The following CCL5 variants were observed in gnomAD, a reference collection of about 807,000 sequenced individuals.
CCL5 encodes C-C motif chemokine 5.
Under a neutral mutation model 9.0 loss-of-function variants are expected in CCL5, and 5 were observed. That is an observed-to-expected ratio of 0.55 (90% CI 0.29 to 1.16). The LOEUF (loss-of-function observed/expected upper bound fraction) is 1.16, where lower values mean the gene tolerates loss of function less well. CCL5 is among the 50% of genes most tolerant of loss of function. The pLI, the probability that CCL5 is intolerant of heterozygous loss-of-function variation, is 0.08. For synonymous variants in CCL5, 66 were observed against 72.0 expected (o/e 0.92, Z 0.42); for missense variants, 183 against 183.2 (o/e 1.00, Z 0.01).
chr17:35,872,604 T>C (rs1354995866), intron 3 of CCL5, 140 bp from the exon 3 acceptor site: 1 of 688,168 alleles, frequency 1.5e-6, no homozygotes, highest in Non-Finnish European at 2.6e-6. Flanking sequence ...CATAAGATTT[T>C]ATTTGTGGCT....
chr17:35,874,769 C>A (rs1015698033), intron 3 of CCL5, among the ~76,000 whole-genome samples: 1 of 152,084 alleles, frequency 6.6e-6, no homozygotes, highest in Admixed American at 6.6e-5. Flanking sequence ...CGCCACCACG[C>A]CCAGCTAATG....
chr17:35,879,838 C>A (rs2144036848), intron 1 of CCL5, among the ~76,000 whole-genome samples: 1 of 152,078 alleles, frequency 6.6e-6, no homozygotes, highest in Non-Finnish European at 1.5e-5. Context: ...GTCTCAGGGT[C>A]TCAGGAAGTT....
rs777737112 is a variant in CCL5 at position 35,880,281 on chromosome 17, C to T, written c.25G>A (p.Ala9Thr). The T allele has an allele frequency of 5.0e-6, 8 of 1,613,230 alleles. No individual in the cohort carries two copies. The highest frequency in any genetic ancestry group is 3.3e-5 in the South Asian group (3 of 90,824). The change falls in exon 1 of 4, where the codon GCT (alanine) becomes ACT (threonine). Residue 9 changes from alanine to threonine, a missense_variant. Coordinates refer to ENST00000651122, the MANE Select transcript of CCL5 (RefSeq NM_001278736.2). ...AGGGCAGTAGCAATGAGGATGACAG[C>T]GAGGGCTGCCGCGGAGACCTTCATG...
Position 35,878,543 on chromosome 17 carries a change from G to C in CCL5, c.173C>G (p.Ser58Cys). ...TGAGACTCACACGACTGCTGGGTTG[G>C]AGCACTTGCCACTGGTGTAGAAATA... The change falls in exon 2 of 4, where the codon TCC (serine) becomes TGC (cysteine). Residue 58 changes from serine to cysteine, a missense_variant. Physicochemically the swap from Ser to Cys is moderately radical, Grantham distance 112. Coordinates refer to ENST00000651122, the MANE Select transcript of CCL5 (RefSeq NM_001278736.2). 2 of 1,613,440 alleles carry C rather than the reference G, an allele frequency of 1.2e-6. No homozygotes were observed. Among genetic ancestry groups the C allele is most frequent in the Non-Finnish European group, 1.7e-6 (2 of 1,179,502 alleles).
chr17:35,879,697 ACCATTTAATTAG>A (rs1331052582), intron 1 of CCL5, among the ~76,000 whole-genome samples: 1 of 151,754 alleles, frequency 6.6e-6, no homozygotes, highest in Non-Finnish European at 1.5e-5. Flanking sequence ...ATCCATAGTA[ACCATTTAATTAG>A]CTTTTATTAT....
At chr17:35,878,711 T>G (rs1275882152) in intron 1 of CCL5, 72 bp from the exon 2 acceptor site, 1 of 819,064 alleles carries the variant, frequency 1.2e-6, no homozygotes, top group Non-Finnish European at 2.0e-6. Flanking sequence ...TGCTGGACAC[T>G]TTATATGATT....
At chr17:35,875,688 G>T in intron 2 of CCL5, 1 of 808,014 alleles carries the variant, frequency 1.2e-6, no homozygotes, top group Non-Finnish European at 1.5e-6. Flanking sequence ...GATGAGGGTA[G>T]CTCAGGCCTC....
At position 35,872,286 on chromosome 17, in the gene CCL5, G is replaced by T. The variant is rs757614591; in HGVS notation, c.449C>A (p.Thr150Asn). The T allele has an allele frequency of 6.9e-6, 11 of 1,589,306 alleles. No individual in the cohort carries two copies. In the East Asian group the frequency reaches 2.5e-4, roughly 36 times the overall value. ...CTGGGCCCTTCAAGGAGCGGGTGGG[G>T]TAGGATAGTGAGGGGAAGCCTCCCA... Residue 150 changes from threonine (T) to asparagine (N), a missense_variant, in exon 4 of 4, where the codon ACC becomes AAC. Thr to Asn is a moderately conservative substitution (Grantham distance 65). Coordinates refer to ENST00000651122, the MANE Select transcript of CCL5 (RefSeq NM_001278736.2).
intron 3 of CCL5, among the ~76,000 whole-genome samples, chr17:35,873,853 G>T (rs139845422): frequency 2.1e-3 from 323 of 152,322 alleles, no homozygotes; most frequent in African/African-American, 7.3e-3. Flanking sequence ...AGACACTGTG[G>T]CTCAGGGGAG....
At chr17:35,879,572 T>A (rs1332460231) in intron 1 of CCL5, among the ~76,000 whole-genome samples, 1 of 148,866 alleles carries the variant, frequency 6.7e-6, no homozygotes, top group Non-Finnish European at 1.5e-5. Context: ...GAGACGGAGC[T>A]TGCAGTAAGC....
At chr17:35,877,835 C>T (rs2088460446) in intron 2 of CCL5, among the ~76,000 whole-genome samples, 1 of 152,024 alleles carries the variant, frequency 6.6e-6, no homozygotes, top group South Asian at 2.1e-4. Flanking sequence ...ACCTCTTCTC[C>T]CTAGTTCCTC....
At chr17:35,872,802 C>G (rs371169934) in intron 3 of CCL5, among the ~76,000 whole-genome samples, 1 of 152,200 alleles carries the variant, frequency 6.6e-6, no homozygotes, top group Non-Finnish European at 1.5e-5. Context: ...CTGCTCCAGG[C>G]CTTGTGCTGG....
At chr17:35,878,489 G>A (rs1283069715) in intron 2 of CCL5, 39 bp downstream of exon 2, 76 of 1,426,528 alleles carry the variant, frequency 5.3e-5, no homozygotes, top group Non-Finnish European at 6.5e-5. Flanking sequence ...ACTCCTCAGG[G>A]AACAGGCTCT....
chr17:35,875,596 C>A lies in CCL5; in HGVS notation c.235G>T (p.Asp79Tyr). The A allele has an allele frequency of 2.0e-6, 2 of 985,450 alleles. No individual in the cohort carries two copies. The highest frequency in any genetic ancestry group is 4.7e-5 in the South Asian group (1 of 21,280). The allele number at this position is 985,450 out of a possible 1,614,324, so 61.0% of individuals were successfully genotyped here. A position where few individuals can be genotyped will look rare whatever the true frequency, so the allele number is the denominator to read the frequency against. ...TTCAGCCGGGAGTCATACAGGAAAT[C>A]CTGCCAGACTTGCTGTCCCTCTCTC... The change falls in exon 3 of 4, where the codon GAT becomes TAT. Residue 79 changes from aspartate to tyrosine, a missense_variant. Coordinates refer to ENST00000651122, the MANE Select transcript of CCL5 (RefSeq NM_001278736.2).
chr17:35,872,400 T>C lies in CCL5; in HGVS notation c.335A>G (p.His112Arg), dbSNP rs2088381350. 1 of 1,613,810 alleles carries C rather than the reference T, an allele frequency of 6.2e-7. No homozygotes were observed. The highest frequency in any genetic ancestry group is 8.5e-7 in the Non-Finnish European group (1 of 1,179,984). ...TCCTAGCTCATCTCCAAAGAGTTGA[T>C]GTACTCCCGAACCCATTTCTTCTCT... is the stretch of plus-strand genomic sequence containing the variant. The change falls in exon 4 of 4, where the codon CAT (histidine) becomes CGT (arginine). Residue 112 changes from histidine (H) to arginine (R), a missense_variant. Physicochemically the swap from His to Arg is conservative, Grantham distance 29. Coordinates refer to ENST00000651122, the MANE Select transcript of CCL5 (RefSeq NM_001278736.2).
At chr17:35,873,858 G>A (rs2088408276) in intron 3 of CCL5, among the ~76,000 whole-genome samples, 1 of 152,200 alleles carries the variant, frequency 6.6e-6, no homozygotes. Context: ...CTGTGGCTCA[G>A]GGGAGTTGAG....
intron 3 of CCL5, among the ~76,000 whole-genome samples, chr17:35,874,324 G>A (rs1229132042): frequency 6.6e-6 from 1 of 151,940 alleles, no homozygotes; most frequent in Non-Finnish European, 1.5e-5. Context: ...TTGAGACAGG[G>A]TCTCACTGTC....
intron 2 of CCL5, 141 bp downstream of exon 2, chr17:35,878,387 G>T (rs1418512675): frequency 7.6e-6 from 4 of 527,018 alleles, no homozygotes; most frequent in Non-Finnish European, 1.4e-5. Context: ...CTTTTTACAT[G>T]ATAGCAGGGG....
chr17:35,872,517 G>T, intron 3 of CCL5, 53 bp from the exon 3 acceptor site: 1 of 1,484,048 alleles, frequency 6.7e-7, no homozygotes, highest in Non-Finnish European at 9.4e-7. Context: ...TACCGGGACA[G>T]CCAGTTTGGG....
Sources: gnomAD v4.1 joint callset for allele counts (sites outside exome capture counted in the v4.1 genomes callset) on GRCh38, gnomAD v4.1.1 for gene constraint, MANE v1.5 for transcripts, NCBI Gene and HGNC (gene_info 2026-07-23, HGNC 2026-07-21) for gene names.